The following CDYL variants were observed in gnomAD, a reference collection of about 807,000 sequenced individuals.
CDYL encodes the protein chromodomain Y-like protein.
CDYL carries 8 observed loss-of-function variants against 47.3 expected under a neutral mutation model. The ratio of observed to expected loss-of-function variants is 0.17; its 90% confidence interval spans 0.10 to 0.31. The LOEUF (loss-of-function observed/expected upper bound fraction) is 0.31. CDYL is among the 10% of genes least tolerant of loss of function. The probability of loss-of-function intolerance (pLI) is 1.00; values close to 1 mark genes in which losing one functional copy is unlikely to be tolerated. For synonymous variants in CDYL, 266 were observed against 265.0 expected, an observed-to-expected ratio of 1.00 and a Z score of -0.04; for missense variants, 471 against 701.4, an observed-to-expected ratio of 0.67 and a Z score of 3.71.
At chr6:4,866,768 A>G (rs1015150799) in intron 1 of CDYL, among the ~76,000 whole-genome samples, 1 of 152,138 alleles carries the variant, frequency 6.6e-6, no homozygotes, top group Non-Finnish European at 1.5e-5. Flanking sequence ...AAAAAAGAGT[A>G]GGAGACCATT....
At chr6:4,927,577 G>A (rs142690213) in intron 2 of CDYL, among the ~76,000 whole-genome samples, 398 of 151,968 alleles carry the variant, frequency 2.6e-3, no homozygotes, top group African/African-American at 9.1e-3. Flanking sequence ...CACCACACCC[G>A]ACTAATTTTT....
intron 3 of CDYL, among the ~76,000 whole-genome samples, chr6:4,752,649 T>G (rs940295250): frequency 6.6e-6 from 1 of 152,112 alleles, no homozygotes; most frequent in Non-Finnish European, 1.5e-5. Context: ...ATTGGCAAAG[T>G]GGTTCCTAGT....
intron 3 of CDYL, among the ~76,000 whole-genome samples, chr6:4,763,669 G>A (rs926660822): frequency 2.3e-4 from 35 of 152,136 alleles, no homozygotes; most frequent in African/African-American, 6.0e-4. Context: ...AGGGCCAGGC[G>A]CGGTGGCTTA....
chr6:4,846,240 T>C (rs1055223040), intron 1 of CDYL, among the ~76,000 whole-genome samples: 3 of 151,856 alleles, frequency 2.0e-5, no homozygotes, highest in Non-Finnish European at 4.4e-5. Context: ...CTGGTTTTCA[T>C]GTGCCCACTG....
chr6:4,711,772 AG>A (rs1310680833), intron 1 of CDYL, among the ~76,000 whole-genome samples: 1 of 152,190 alleles, frequency 6.6e-6, no homozygotes, highest in African/African-American at 2.4e-5. Context: ...CGAGTATAAA[AG>A]AAAAAAGCAG....
chr6:4,825,979 T>A (rs1759972506), intron 1 of CDYL, among the ~76,000 whole-genome samples: 1 of 152,208 alleles, frequency 6.6e-6, no homozygotes, highest in Admixed American at 6.5e-5. Flanking sequence ...TGCAGTGTAG[T>A]ACCAAAACCT....
At chr6:4,890,312 A>T (rs913885679) in intron 1 of CDYL, among the ~76,000 whole-genome samples, 1 of 152,212 alleles carries the variant, frequency 6.6e-6, no homozygotes, top group Non-Finnish European at 1.5e-5. Context: ...TCACAAGTGA[A>T]GGAGCAAGGG....
At chr6:4,748,297 A>G (rs1582307617) in intron 3 of CDYL, among the ~76,000 whole-genome samples, 1 of 152,086 alleles carries the variant, frequency 6.6e-6, no homozygotes, top group East Asian at 1.9e-4. Context: ...CCAAAGCTGG[A>G]AGACTGCTTG....
chr6:4,884,738 A>G (rs1398224556), intron 1 of CDYL, among the ~76,000 whole-genome samples: 4 of 145,574 alleles, frequency 2.7e-5, no homozygotes, highest in Non-Finnish European at 5.9e-5. Context: ...TGGGATCCCC[A>G]AGCTCAGGGA....
chr6:4,725,428 G>C (rs1757491277), intron 2 of CDYL, among the ~76,000 whole-genome samples: 1 of 152,238 alleles, frequency 6.6e-6, no homozygotes, highest in Non-Finnish European at 1.5e-5. Flanking sequence ...CCACAGCGAG[G>C]TGGGGAGGCT....
chr6:4,891,569 T>C (rs1762040549), intron 1 of CDYL, 144 bp from the exon 2 acceptor site: 1 of 658,620 alleles, frequency 1.5e-6, no homozygotes, highest in Non-Finnish European at 2.6e-6. Context: ...CCAAATGGCC[T>C]ATTACTATTT....
intron 3 of CDYL, among the ~76,000 whole-genome samples, chr6:4,765,724 C>A (rs1400139722): frequency 1.3e-5 from 2 of 152,030 alleles, no homozygotes; most frequent in Admixed American, 1.3e-4. Flanking sequence ...CCACCACACC[C>A]GGCTAATTTT....
chr6:4,816,881 G>C (rs1759692483), intron 1 of CDYL, among the ~76,000 whole-genome samples: 1 of 152,148 alleles, frequency 6.6e-6, no homozygotes, highest in East Asian at 1.9e-4. Flanking sequence ...TGTTTTAGCT[G>C]AGACAGTATA....
At chr6:4,887,438 TATAAC>T (rs1761927961) in intron 1 of CDYL, among the ~76,000 whole-genome samples, 1 of 152,160 alleles carries the variant, frequency 6.6e-6, no homozygotes, top group Non-Finnish European at 1.5e-5. Context: ...TTTTTGGTGA[TATAAC>T]TAAGACTTTC....
intron 1 of CDYL, among the ~76,000 whole-genome samples, chr6:4,791,590 C>G (rs558785722): frequency 1.3e-5 from 2 of 152,254 alleles, no homozygotes; most frequent in Non-Finnish European, 2.9e-5. Flanking sequence ...TAGCTGACAT[C>G]CACTTGGCAG....
intron 1 of CDYL, among the ~76,000 whole-genome samples, chr6:4,811,441 G>A (rs895217201): frequency 7.2e-5 from 11 of 152,032 alleles, no homozygotes; most frequent in South Asian, 2.1e-4. Context: ...CTCTCTTCTG[G>A]TCAGTTATGG....
At chr6:4,824,239 A>G (rs540850841) in intron 1 of CDYL, among the ~76,000 whole-genome samples, 21 of 152,242 alleles carry the variant, frequency 1.4e-4, no homozygotes, top group Non-Finnish European at 2.5e-4. Flanking sequence ...TTTGGTATAT[A>G]TGTCTAGGAG....
At chr6:4,907,914 C>T (rs142222593) in intron 2 of CDYL, among the ~76,000 whole-genome samples, 20 of 152,244 alleles carry the variant, frequency 1.3e-4, no homozygotes, top group Admixed American at 3.9e-4. Context: ...ATGTCCTAAA[C>T]GTCTCTGTTA....
chr6:4,840,856 TTTTG>T lies in CDYL; in HGVS notation c.25-50849_25-50846del, dbSNP rs1374441497. On this transcript the variant is annotated intron_variant, in intron 1 of 6. Coordinates refer to ENST00000397588, the MANE Select transcript of CDYL (RefSeq NM_004824.4). ...CAGCGATTTTTTTGTTTTGTTATGT[TTTTG>T]TTTGTTTTTTGTTTTGTTTTTTTGT... Among the ~76,000 whole-genome samples the T allele has an allele frequency of 3.9e-5, 6 of 152,214 alleles. No individual in the cohort carries two copies. The South Asian group carries it at 1.0e-3, about 26-fold the overall frequency.
Sources: gnomAD v4.1 joint callset for allele counts (sites outside exome capture counted in the v4.1 genomes callset) on GRCh38, gnomAD v4.1.1 for gene constraint, MANE v1.5 for transcripts, NCBI Gene and HGNC (gene_info 2026-07-23, HGNC 2026-07-21) for gene names.